Variants in UGT1A4 observed in about 807,000 individuals in gnomAD.
UGT1A4 encodes the protein UDP glucuronosyltransferase family 1 member A4.
A neutral mutation model predicts 41.1 loss-of-function variants in UGT1A4; 32 were observed. The observed-to-expected ratio is 0.78, with a 90% CI of 0.59 to 1.05. The LOEUF is 1.05. Ranked by LOEUF, UGT1A4 falls within the 50% of genes least tolerant of loss-of-function variation. The pLI is 0.00. For missense variants in UGT1A4, 748 were observed against 677.4 expected, an observed-to-expected ratio of 1.10 and a Z score of -1.16; for synonymous variants, 283 against 265.1, an observed-to-expected ratio of 1.07 and a Z score of -0.66.
Position 233,742,350 on chromosome 2 carries a change from T to G in UGT1A4, c.867+22663T>G, listed in dbSNP as rs566927246. On this transcript the variant is annotated intron_variant, in intron 1 of 4. Transcript: ENST00000373409. ...CAAAGGGATGGGCTCTGGCTAATTATCTGCAGCAGAAACATGTCCTTAAGG... is the reference window on the plus strand; with the variant it reads ...CAAAGGGATGGGCTCTGGCTAATTAGCTGCAGCAGAAACATGTCCTTAAGG... Among the ~76,000 whole-genome samples, 10 of 152,136 alleles carry G rather than the reference T, an allele frequency of 6.6e-5. No homozygotes were observed. The East Asian group carries it at 9.6e-4, about 15-fold the overall frequency.
intron 2 of UGT1A4, among the ~76,000 whole-genome samples, chr2:233,767,421 A>G (rs1260096333): frequency 6.6e-6 from 1 of 152,234 alleles, no homozygotes; most frequent in Non-Finnish European, 1.5e-5. Context: ...TCAAAAGTGT[A>G]TTAGGGAGAA....
In UGT1A4 at chr2:233,718,785, G is replaced by T. The variant is rs544842461; in HGVS notation, c.-36G>T. 1 of 1,612,968 alleles carries T rather than the reference G, an allele frequency of 6.2e-7. No homozygotes were observed. The highest frequency in any genetic ancestry group is 1.1e-5 in the South Asian group (1 of 91,020). The stretch of plus-strand genomic sequence containing the variant: ...GAAACAAATGTAGCAGGCACAGCGT[G>T]GGGTGGACAGTCAGCTGTCGGTGGC... On this transcript the variant is annotated 5_prime_UTR_variant, in exon 1 of 5. Transcript: ENST00000373409.
Position 233,727,746 on chromosome 2 carries a change from G to C in UGT1A4, c.867+8059G>C, listed in dbSNP as rs369193942. Among the ~76,000 whole-genome samples the C allele has an allele frequency of 3.3e-5, 5 of 152,290 alleles. No individual in the cohort carries two copies. The East Asian group carries it at 7.7e-4, about 24-fold the overall frequency. On this transcript the variant is annotated intron_variant, in intron 1 of 4. Coordinates refer to ENST00000373409, the MANE Select transcript of UGT1A4 (RefSeq NM_007120.3). Reference sequence around the variant, plus strand: ...CTTCCTTTTCTGTGCCATCCTGCGTGTGCTGCCCTTGAGCTGGGTGTCCCC... The same window carrying C: ...CTTCCTTTTCTGTGCCATCCTGCGTCTGCTGCCCTTGAGCTGGGTGTCCCC...
At chr2:233,743,792 G>C (rs775660405) in intron 1 of UGT1A4, 3 of 1,367,294 alleles carry the variant, frequency 2.2e-6, no homozygotes, top group Non-Finnish European at 2.9e-6. Flanking sequence ...TCTCCTCTCC[G>C]CTTCCTCCTT....
intron 1 of UGT1A4, chr2:233,750,593 G>A (rs978024854): frequency 2.0e-5 from 3 of 152,058 alleles, no homozygotes; most frequent in Admixed American, 6.5e-5. Context: ...GGAGGCCTAG[G>A]AAGGAAAAAT....
At chr2:233,761,926 C>A (rs986768651) in intron 1 of UGT1A4, among the ~76,000 whole-genome samples, 4 of 152,226 alleles carry the variant, frequency 2.6e-5, no homozygotes, top group Admixed American at 1.3e-4. Context: ...GCAGCCCAGG[C>A]ACTTCCCAGG....
intron 1 of UGT1A4, among the ~76,000 whole-genome samples, chr2:233,766,279 G>A (rs886209261): frequency 2.6e-5 from 4 of 151,814 alleles, no homozygotes; most frequent in Non-Finnish European, 4.4e-5. Context: ...TCGGTGGCCC[G>A]GGCTCGGTGG....
intron 1 of UGT1A4, among the ~76,000 whole-genome samples, chr2:233,720,911 A>G (rs1392017117): frequency 6.8e-6 from 1 of 146,884 alleles, no homozygotes; most frequent in Admixed American, 6.8e-5. Flanking sequence ...AGGTTTCGCA[A>G]TGTTAGCCAG....
intron 1 of UGT1A4, among the ~76,000 whole-genome samples, chr2:233,762,315 G>C (rs565893517): frequency 6.6e-6 from 1 of 152,216 alleles, no homozygotes; most frequent in Non-Finnish European, 1.5e-5. Context: ...TTAATGGGTC[G>C]AGAGTAATCC....
chr2:233,722,457 A>G (rs2077013150), intron 1 of UGT1A4, among the ~76,000 whole-genome samples: 4 of 152,226 alleles, frequency 2.6e-5, no homozygotes, highest in South Asian at 4.1e-4. Flanking sequence ...CAAAGAAATA[A>G]CTGTGGAATT....
At position 233,743,506 on chromosome 2, in the gene UGT1A4, G is replaced by A. The variant is rs185061073; in HGVS notation, c.868-23528G>A. ...ACTGAAGGCAGAGAAAAGGGGTGCA[G>A]ACGCTCTGCTTCTGCTTCCCCAGCA... On this transcript the variant is annotated intron_variant, in intron 1 of 4. Transcript: ENST00000373409. 5.9e-6 allele frequency: 8 copies of A among 1,367,240 alleles called. No individual in the cohort carries two copies. The Admixed American group carries it at 1.1e-4, about 20-fold the overall frequency. The allele number at this position is 1,367,240 out of a possible 1,614,324, so 84.7% of individuals were successfully genotyped here. A position where few individuals can be genotyped will look rare whatever the true frequency, so the allele number is the denominator to read the frequency against.
chr2:233,752,487 A>G (rs551015085), intron 1 of UGT1A4: 1 of 152,342 alleles, frequency 6.6e-6, no homozygotes, highest in South Asian at 2.1e-4. Context: ...TATGTTTTTG[A>G]GATGAGACAT....
chr2:233,723,609 T>C (rs2077104515), intron 1 of UGT1A4, among the ~76,000 whole-genome samples: 1 of 104,888 alleles, frequency 9.5e-6, no homozygotes. Context: ...GGGACAATAG[T>C]GGAGGGAAGG....
chr2:233,740,631 C>T (rs1198172888), intron 1 of UGT1A4: 3 of 151,760 alleles, frequency 2.0e-5, no homozygotes, highest in Admixed American at 2.0e-4. Flanking sequence ...CAGGGTCATG[C>T]CTTTCCTTGC....
rs190865559 is a variant in UGT1A4 at position 233,744,424 on chromosome 2, A to G, written c.868-22610A>G. 3.3e-5 allele frequency among the ~76,000 whole-genome samples: 5 copies of G among 151,988 alleles called. No individual in the cohort carries two copies. The East Asian group carries it at 9.6e-4, about 29-fold the overall frequency. On this transcript the variant is annotated intron_variant, in intron 1 of 4. Coordinates refer to ENST00000373409, the MANE Select transcript of UGT1A4 (RefSeq NM_007120.3). ...CCATTTGCTTTTGTTCATGTGGATT[A>G]TATCTATCATACGTACTGCATTAGA...
rs376370143 is a variant in UGT1A4 at position 233,719,094 on chromosome 2, G to C, written c.274G>C (p.Val92Leu). The stretch of plus-strand genomic sequence containing the variant: ...ATGGACCCAGAAGGAATTTGATCGC[G>C]TTACGCTGGGCTACACTCAAGGGTT... ...VPWTQKEFDR[V>L]TLGYTQGFFE... The change falls in exon 1 of 5, where the codon GTT becomes CTT. Residue 92 changes from valine to leucine, a missense_variant. Physicochemically the swap from Val to Leu is conservative, Grantham distance 32. Coordinates refer to ENST00000373409, the MANE Select transcript of UGT1A4 (RefSeq NM_007120.3). 14 of 1,614,082 alleles carry C rather than the reference G, an allele frequency of 8.7e-6. No individual in the cohort carries two copies. Among genetic ancestry groups the C allele is most frequent in the Admixed American group, 1.7e-5 (1 of 60,004 alleles).
At chr2:233,755,407 G>A (rs1260827425) in intron 1 of UGT1A4, 10 of 333,228 alleles carry the variant, frequency 3.0e-5, no homozygotes, top group Non-Finnish European at 4.1e-5. Context: ...CTCATTGGCC[G>A]AGGCCTGTGA....
intron 1 of UGT1A4, among the ~76,000 whole-genome samples, chr2:233,748,871 G>A (rs1439013136): frequency 2.0e-5 from 3 of 151,510 alleles, no homozygotes; most frequent in Admixed American, 6.6e-5. Flanking sequence ...AGCTGGGGAC[G>A]GTGATGAATG....
At chr2:233,764,755 C>T (rs1698636396) in intron 1 of UGT1A4, among the ~76,000 whole-genome samples, 1 of 152,062 alleles carries the variant, frequency 6.6e-6, no homozygotes, top group Non-Finnish European at 1.5e-5. Context: ...TGGTGCAGAC[C>T]CTAGGGAGGA....
Sources: gnomAD v4.1 joint callset for allele counts (sites outside exome capture counted in the v4.1 genomes callset) on GRCh38, gnomAD v4.1.1 for gene constraint, MANE v1.5 for transcripts, NCBI Gene and HGNC (gene_info 2026-07-23, HGNC 2026-07-21) for gene names.